Variants in APTX observed in about 807,000 individuals in gnomAD.
The protein encoded by APTX is forkhead-associated domain histidine triad-like protein.
Under a neutral mutation model 42.3 loss-of-function variants are expected in APTX, and 33 were observed. That is an observed-to-expected ratio of 0.78 (90% confidence interval 0.59 to 1.04). The LOEUF (loss-of-function observed/expected upper bound fraction) is 1.04, where lower values mean the gene tolerates loss of function less well. Among genes scored for constraint, APTX ranks in the 50% least tolerant of loss-of-function variants. APTX has a pLI of 0.00. For missense variants in APTX, 421 were observed against 415.1 expected (o/e 1.01, Z -0.12); for synonymous variants, 130 against 146.7 (o/e 0.89, Z 0.82).
rs747564132 is a variant in APTX at position 32,987,538 on chromosome 9, C to T, written c.483+6G>A. On this transcript the variant is annotated splice_donor_region_variant and intron_variant, in intron 4 of 7. Transcript: ENST00000379817. ...CCACATCATCTACCAATCACACTACCCTCACCTTTTTGATAGGTGCATCTT... is the reference window on the plus strand; with the variant it reads ...CCACATCATCTACCAATCACACTACTCTCACCTTTTTGATAGGTGCATCTT... The T allele has an allele frequency of 6.2e-7, 1 of 1,613,474 alleles. No individual in the cohort carries two copies. The highest frequency in any genetic ancestry group is 8.5e-7 in the Non-Finnish European group (1 of 1,180,020).
At chr9:32,984,912 G>C in intron 5 of APTX, 55 bp from the exon 6 acceptor site, 2 of 1,496,648 alleles carry the variant, frequency 1.3e-6, no homozygotes, top group Non-Finnish European at 1.9e-6. Context: ...TCTTCTGTGT[G>C]CCTGGTTGTT....
chr9:33,003,579 C>A (rs1353045805), upstream of APTX, among the ~76,000 whole-genome samples: 1 of 152,048 alleles, frequency 6.6e-6, no homozygotes, highest in Non-Finnish European at 1.5e-5. Context: ...TTGCAGTGAG[C>A]CAAGATCACT....
intron 1 of APTX, among the ~76,000 whole-genome samples, chr9:32,994,076 ATTCC>A (rs1834276399): frequency 6.6e-6 from 1 of 152,224 alleles, no homozygotes; most frequent in South Asian, 2.1e-4. Flanking sequence ...AATTCTGATT[ATTCC>A]TTAAAGAACT....
chr9:32,993,439 T>C (rs1386702170), intron 1 of APTX, among the ~76,000 whole-genome samples: 1 of 152,162 alleles, frequency 6.6e-6, no homozygotes. Flanking sequence ...ACTATGACAA[T>C]AGAGGTCATG....
At chr9:32,985,491 T>C (rs1442174849) in intron 5 of APTX, among the ~76,000 whole-genome samples, 1 of 152,022 alleles carries the variant, frequency 6.6e-6, no homozygotes, top group Admixed American at 6.6e-5. Context: ...TGCACCACCA[T>C]GCCCAGCTAA....
intron 6 of APTX, chr9:32,979,586 T>C (rs1830241808): frequency 6.5e-6 from 1 of 154,842 alleles, no homozygotes; most frequent in Admixed American, 6.5e-5. Context: ...TCCACATTCA[T>C]TACAGACAAC....
At chr9:32,988,011 G>T in intron 3 of APTX, 72 bp downstream of exon 3, 1 of 1,550,264 alleles carries the variant, frequency 6.5e-7, no homozygotes, top group Non-Finnish European at 8.9e-7. Context: ...TCACTGGCTG[G>T]CACAGACACT....
intron 2 of APTX, 66 bp downstream of exon 2, chr9:32,989,693 T>C (rs958160831): frequency 6.2e-7 from 1 of 1,610,912 alleles, no homozygotes; most frequent in South Asian, 1.1e-5. Context: ...ACCCAGAAAA[T>C]ATGCATCTTT....
rs775949465 is a variant in APTX at position 32,973,516 on chromosome 9, C to T, written c.1011G>A (p.Arg337=). The T allele has an allele frequency of 2.5e-6, 4 of 1,614,096 alleles. No homozygotes were observed. The South Asian group carries it at 4.4e-5, about 18-fold the overall frequency. Residue 337 remains arginine, a synonymous_variant, in exon 8 of 8, where the codon AGG becomes AGA. Coordinates refer to ENST00000379817, the MANE Select transcript of APTX (RefSeq NM_001195248.2). The part of the protein sequence containing the change: ...PSIPQLKEHL[R]KHWTQ The stretch of plus-strand genomic sequence containing the variant: ...TGCAGAATCACTGTGTCCAGTGCTT[C>T]CTGAGATGTTCTTTCAGCTGAGGAA...
intron 1 of APTX, among the ~76,000 whole-genome samples, chr9:32,993,305 C>T (rs905512332): frequency 1.3e-5 from 2 of 152,218 alleles, no homozygotes; most frequent in African/African-American, 4.8e-5. Context: ...ATAGTAACTT[C>T]ACCCGTTTCA....
intron 1 of APTX, among the ~76,000 whole-genome samples, chr9:32,999,398 A>G (rs1835735091): frequency 6.6e-6 from 1 of 152,240 alleles, no homozygotes; most frequent in Non-Finnish European, 1.5e-5. Context: ...TGGACCACCA[A>G]GGAGTTTTTC....
chr9:32,988,401 C>T (rs192017512), intron 2 of APTX, among the ~76,000 whole-genome samples: 132 of 152,258 alleles, frequency 8.7e-4, no homozygotes, highest in African/African-American at 3.1e-3. Flanking sequence ...TCAATTAATC[C>T]CCACAAGTTT....
chr9:33,011,709 C>T (rs1837557238), intron 1 of APTX, among the ~76,000 whole-genome samples: 1 of 152,138 alleles, frequency 6.6e-6, no homozygotes, highest in Non-Finnish European at 1.5e-5. Flanking sequence ...TTAAGAGTGC[C>T]TTCTCTGTGT....
Position 32,973,547 on chromosome 9 carries a change from G to A in APTX, c.980C>T (p.Pro327Leu), listed in dbSNP as rs751746847. 9.9e-6 allele frequency: 16 copies of A among 1,613,944 alleles called. No individual in the cohort carries two copies. The Admixed American group carries it at 2.3e-4, about 24-fold the overall frequency. Residue 327 changes from proline to leucine, a missense_variant, in exon 8 of 8, where the codon CCT becomes CTT. Coordinates refer to ENST00000379817, the MANE Select transcript of APTX (RefSeq NM_001195248.2). Reference protein sequence around the residue: ...LRCHECQQLLPSIPQLKEHLR... With the variant: ...LRCHECQQLLLSIPQLKEHLR... ...ATGTTCTTTCAGCTGAGGAATGGAA[G>A]GCAGCAGCTGCTGGCACTCATGACA...
chr9:33,019,136 G>A (rs1166987523), intron 1 of APTX, among the ~76,000 whole-genome samples: 3 of 152,122 alleles, frequency 2.0e-5, no homozygotes, highest in Non-Finnish European at 4.4e-5. Context: ...TTTAACAATA[G>A]GTTAAGACTG....
In APTX at chr9:32,984,763, AGACT is replaced by A; in HGVS notation, c.634_637del (p.Ser212Ter). On this transcript the variant is annotated frameshift_variant, in exon 6 of 8. Transcript: ENST00000379817. LOFTEE classifies it high-confidence loss of function. ...AAGGTGTTCCCTGGCCACAGCCTTC[AGACT>A]GGAAATGGAGGTCCACGGTAAGACC... The A allele has an allele frequency of 6.2e-7, 1 of 1,614,242 alleles. No homozygotes were observed. The highest frequency in any genetic ancestry group is 1.1e-5 in the South Asian group (1 of 91,090).
intron 1 of APTX, among the ~76,000 whole-genome samples, chr9:33,023,373 G>A (rs971805843): frequency 1.1e-4 from 17 of 152,062 alleles, no homozygotes; most frequent in Admixed American, 4.6e-4. Context: ...ACAGGCACGT[G>A]CCACCATACC....
intron 6 of APTX, among the ~76,000 whole-genome samples, chr9:32,976,421 T>C (rs1829430907): frequency 6.6e-6 from 1 of 152,202 alleles, no homozygotes; most frequent in Non-Finnish European, 1.5e-5. Context: ...GTGTTCAGTT[T>C]GTTCAACAAC....
chr9:33,016,744 A>T (rs1457349486), intron 1 of APTX, among the ~76,000 whole-genome samples: 2 of 152,086 alleles, frequency 1.3e-5, no homozygotes, highest in Non-Finnish European at 2.9e-5. Context: ...GCTAAGAGGA[A>T]AGTCTACTCT....
Sources: gnomAD v4.1 joint callset for allele counts (sites outside exome capture counted in the v4.1 genomes callset) on GRCh38, gnomAD v4.1.1 for gene constraint, MANE v1.5 for transcripts, NCBI Gene and HGNC (gene_info 2026-07-23, HGNC 2026-07-21) for gene names.